The following ZNF98 variants were observed in gnomAD, a reference collection of about 807,000 sequenced individuals.
ZNF98 encodes zinc finger protein 98.
In ZNF98, 8 loss-of-function variants were observed where a neutral mutation model predicts 12.8. The observed-to-expected ratio is 0.63, with a 90% CI of 0.37 to 1.13. ZNF98 has a LOEUF of 1.13. Among genes scored for constraint, ZNF98 ranks in the 50% most tolerant of loss-of-function variants. The pLI is 0.01. For missense variants in ZNF98, 379 were observed against 666.1 expected, an observed-to-expected ratio of 0.57 and a Z score of 4.74; for synonymous variants, 112 against 223.5, an observed-to-expected ratio of 0.50 and a Z score of 4.45.
intron 3 of ZNF98, among the ~76,000 whole-genome samples, chr19:22,396,340 T>C (rs1276568821): frequency 6.6e-6 from 1 of 152,042 alleles, no homozygotes; most frequent in African/African-American, 2.4e-5. Flanking sequence ...TTGTTTCTTA[T>C]AGAAGTTTTA....
chr19:22,400,964 C>T, intron 3 of ZNF98, among the ~76,000 whole-genome samples: 1 of 139,790 alleles, frequency 7.2e-6, no homozygotes. Context: ...AAAAACAAAA[C>T]AAAACAAAAC....
intron 3 of ZNF98, among the ~76,000 whole-genome samples, chr19:22,397,622 TA>T (rs1969412226): frequency 6.8e-6 from 1 of 147,622 alleles, no homozygotes; most frequent in African/African-American, 2.5e-5. Flanking sequence ...AATTAACAAA[TA>T]TATAGAAATT....
At chr19:22,403,684 C>A (rs948883721) in intron 1 of ZNF98, among the ~76,000 whole-genome samples, 172 bp from the exon 2 acceptor site, 1 of 152,130 alleles carries the variant, frequency 6.6e-6, no homozygotes, top group African/African-American at 2.4e-5. Flanking sequence ...TATTCTCTAA[C>A]TCTGAGAAAA....
intron 1 of ZNF98, among the ~76,000 whole-genome samples, chr19:22,408,711 T>TA (rs1298750226): frequency 6.6e-6 from 1 of 151,846 alleles, no homozygotes; most frequent in Admixed American, 6.6e-5. Flanking sequence ...GTAAAATATA[T>TA]AAAAATACAG....
Position 22,391,381 on chromosome 19 carries a change from T to G in ZNF98, c.*135A>C. On this transcript the variant is annotated 3_prime_UTR_variant, in exon 4 of 4. Transcript: ENST00000357774. ...TTCTCATCAAGTATAAAGGCTTTCC[T>G]GTGCAATAAGGTTTGAGCATTGTGT... 6.9e-7 allele frequency: 1 copy of G among 1,457,354 alleles called. No homozygotes were observed. Among genetic ancestry groups the G allele is most frequent in the Non-Finnish European group, 9.1e-7 (1 of 1,103,900 alleles). The allele number at this position is 1,457,354 out of a possible 1,614,324, so 90.3% of individuals were successfully genotyped here.
intron 3 of ZNF98, among the ~76,000 whole-genome samples, chr19:22,398,246 C>G (rs1333609233): frequency 1.3e-5 from 2 of 152,132 alleles, no homozygotes; most frequent in African/African-American, 4.8e-5. Context: ...CTCTTAGAAA[C>G]AGAAAACAGA....
chr19:22,414,749 T>C (rs1969621259), intron 1 of ZNF98, among the ~76,000 whole-genome samples: 1 of 152,130 alleles, frequency 6.6e-6, no homozygotes, highest in Admixed American at 6.5e-5. Flanking sequence ...ATAAATTAAA[T>C]ATTTAAATGT....
chr19:22,398,727 G>A (rs1394078525), intron 3 of ZNF98, among the ~76,000 whole-genome samples: 2 of 122,050 alleles, frequency 1.6e-5, no homozygotes, highest in African/African-American at 3.0e-5. Flanking sequence ...TTTTTTAGAA[G>A]AATAACTGAA....
In ZNF98 at chr19:22,395,190, A is replaced by AAG. The variant is rs563274042; in HGVS notation, c.254-2210_254-2209insCT. Among the ~76,000 whole-genome samples the AAG allele has an allele frequency of 9.9e-5, 15 of 151,288 alleles. No homozygotes were observed. The South Asian group carries it at 2.9e-3, about 29-fold the overall frequency. ...TCTGTTTCAAAAAGAAAAAAAAAAAAAAAAAAAGAAAAGAAACACGAATAA... is the reference window on the plus strand; with the variant it reads ...TCTGTTTCAAAAAGAAAAAAAAAAAAAGAAAAAAAGAAAAGAAACACGAATAA... On this transcript the variant is annotated intron_variant, in intron 3 of 3. Transcript: ENST00000357774.
chr19:22,399,177 T>G (rs1195200920), intron 3 of ZNF98, among the ~76,000 whole-genome samples: 1 of 152,188 alleles, frequency 6.6e-6, no homozygotes, highest in African/African-American at 2.4e-5. Flanking sequence ...TGTAACTTGA[T>G]GTAGCATTAA....
rs1334732549 is a variant in ZNF98 at position 22,392,562 on chromosome 19, G to A, written c.673C>T (p.Leu225Phe). 5 of 1,612,164 alleles carry A rather than the reference G, an allele frequency of 3.1e-6. No homozygotes were observed. In the African/African-American group the frequency reaches 4.0e-5, roughly 13 times the overall value. The change falls in exon 4 of 4, where the codon CTT becomes TTT. Residue 225 changes from leucine (L) to phenylalanine (F), a missense_variant. Physicochemically the swap from Leu to Phe is conservative, Grantham distance 22. This residue lies in a region of ZNF98 where 223 missense variants were observed against 261.6 expected (regional missense o/e 0.85). Coordinates refer to ENST00000357774, the MANE Select transcript of ZNF98 (RefSeq NM_001098626.2). ...CGKAYNEASN[L>F]STHKRIHTGK... ...GTATGAATTCTTTTATGTGTAGAAA[G>A]GTTTGAGGCCTCATTATAGGCTTTC...
chr19:22,394,912 C>T (rs1969372696), intron 3 of ZNF98, among the ~76,000 whole-genome samples: 1 of 152,040 alleles, frequency 6.6e-6, no homozygotes, highest in Non-Finnish European at 1.5e-5. Context: ...TGGCTCAAAC[C>T]TGTAATCCTA....
At chr19:22,402,175 CAA>C (rs869111485) in intron 3 of ZNF98, among the ~76,000 whole-genome samples, 4,546 of 60,440 alleles carry the variant, frequency 0.075, 96 homozygotes, top group African/African-American at 0.17. Context: ...GACTCCATCT[CAA>C]AAAAAAAAAA....
At chr19:22,406,355 C>T (rs1419687831) in intron 1 of ZNF98, among the ~76,000 whole-genome samples, 8 of 151,890 alleles carry the variant, frequency 5.3e-5, no homozygotes, top group African/African-American at 1.9e-4. Flanking sequence ...CTGAAGTGAA[C>T]CCCCAGCAAA....
chr19:22,409,606 C>G lies in ZNF98; in HGVS notation c.31-6094G>C, dbSNP rs867657378. On this transcript the variant is annotated intron_variant, in intron 1 of 3. Transcript: ENST00000357774. The stretch of plus-strand genomic sequence containing the variant: ...AAAAAATTTACAAGAAAAAAACAAA[C>G]AATTCCATCAAAAACTGGGCAAAAG... 6.6e-5 allele frequency among the ~76,000 whole-genome samples: 10 copies of G among 152,068 alleles called. No homozygotes were observed. In the Middle Eastern group the frequency reaches 0.01, roughly 155 times the overall value.
chr19:22,397,485 C>G (rs373985876), intron 3 of ZNF98, among the ~76,000 whole-genome samples: 180 of 145,016 alleles, frequency 1.2e-3, no homozygotes, highest in South Asian at 4.9e-3. Context: ...CATTTTCCTT[C>G]ATAGACCTCC....
chr19:22,403,361 A>G (rs374468596), intron 2 of ZNF98, 25 bp downstream of exon 2: 64 of 1,556,198 alleles, frequency 4.1e-5, no homozygotes, highest in Non-Finnish European at 5.6e-5. Context: ...TATATTAGGG[A>G]ATTGTATATT....
Position 22,408,514 on chromosome 19 carries a change from C to T in ZNF98, c.31-5002G>A, listed in dbSNP as rs181162396. Among the ~76,000 whole-genome samples, 238 of 152,210 alleles carry T rather than the reference C, an allele frequency of 1.6e-3. 2 individuals carry two copies. The highest frequency in any genetic ancestry group is 2.6e-3 in the Non-Finnish European group (180 of 68,020). On this transcript the variant is annotated intron_variant, in intron 1 of 3. Coordinates refer to ENST00000357774, the MANE Select transcript of ZNF98 (RefSeq NM_001098626.2). The stretch of plus-strand genomic sequence containing the variant: ...CAGGAAGTCAAATTGTCTCTGTTTG[C>T]AGATGACATTATTCTATATTTAGAA...
chr19:22,418,042 C>T (rs563354434), intron 1 of ZNF98, among the ~76,000 whole-genome samples: 1 of 152,186 alleles, frequency 6.6e-6, no homozygotes, highest in South Asian at 2.1e-4. Context: ...TTTTCTTGTA[C>T]CAAATCTGTA....
Sources: gnomAD v4.1 joint callset for allele counts (sites outside exome capture counted in the v4.1 genomes callset) on GRCh38, gnomAD v4.1.1 for gene constraint, gnomAD v4.1.1 regional missense constraint, MANE v1.5 for transcripts, NCBI Gene and HGNC (gene_info 2026-07-23, HGNC 2026-07-21) for gene names.